Variants in IL1RAPL2 observed in about 807,000 individuals in gnomAD.
IL1RAPL2 encodes interleukin 1 receptor accessory protein like 2.
A neutral mutation model predicts 44.1 loss-of-function variants in IL1RAPL2; 3 were observed. The ratio of observed to expected loss-of-function variants is 0.07; its 90% confidence interval spans 0.03 to 0.18. IL1RAPL2 has a LOEUF of 0.18. IL1RAPL2 is among the 10% of genes least tolerant of loss of function. The probability of loss-of-function intolerance (pLI) is 1.00; values close to 1 mark genes in which losing one functional copy is unlikely to be tolerated. For synonymous variants in IL1RAPL2, 181 were observed against 178.8 expected (o/e 1.01, Z -0.10); for missense variants, 391 against 496.4 (o/e 0.79, Z 2.02).
At chrX:105,205,752 T>G (rs1426872174) in intron 3 of IL1RAPL2, among the ~76,000 whole-genome samples, 3 of 106,278 alleles carry the variant, frequency 2.8e-5, no homozygotes, top group Non-Finnish European at 5.8e-5. Flanking sequence ...GAATAAAAAG[T>G]TGATTTTTAA....
intron 6 of IL1RAPL2, among the ~76,000 whole-genome samples, chrX:105,517,089 G>C (rs1416125462): frequency 9.0e-6 from 1 of 111,527 alleles, no homozygotes; most frequent in East Asian, 2.8e-4. Flanking sequence ...CAAAAGACAG[G>C]TGTGTTTTGA....
intron 5 of IL1RAPL2, among the ~76,000 whole-genome samples, chrX:105,445,796 T>A (rs2035950476): frequency 9.0e-6 from 1 of 111,580 alleles, no homozygotes; most frequent in Non-Finnish European, 1.9e-5. Context: ...TAAGACTTAT[T>A]TTGTGGCCCA....
chrX:105,034,015 A>G (rs61530049), intron 2 of IL1RAPL2, among the ~76,000 whole-genome samples: 255 of 111,710 alleles, frequency 2.3e-3, no homozygotes, highest in African/African-American at 7.8e-3. Flanking sequence ...GTTGATTGCA[A>G]TGGCTCCTGA....
At chrX:105,324,227 A>C (rs2034918417) in intron 5 of IL1RAPL2, among the ~76,000 whole-genome samples, 1 of 110,956 alleles carries the variant, frequency 9.0e-6, no homozygotes, top group African/African-American at 3.3e-5. Context: ...GTGTGTGAAT[A>C]GAAATGGAGT....
intron 5 of IL1RAPL2, among the ~76,000 whole-genome samples, chrX:105,445,954 G>T (rs1341306022): frequency 9.0e-6 from 1 of 111,450 alleles, no homozygotes; most frequent in Admixed American, 9.6e-5. Context: ...TTGATTTTCT[G>T]TCTGGAAGCT....
At chrX:104,764,379 GCTA>G (rs1932519479) in intron 2 of IL1RAPL2, among the ~76,000 whole-genome samples, 1 of 111,719 alleles carries the variant, frequency 9.0e-6, no homozygotes, top group South Asian at 3.8e-4. Flanking sequence ...ATACAGAAAT[GCTA>G]CTGATTTTTG....
intron 6 of IL1RAPL2, among the ~76,000 whole-genome samples, chrX:105,688,869 A>T (rs1602523488): frequency 1.8e-5 from 2 of 111,759 alleles, no homozygotes; most frequent in Middle Eastern, 9.3e-3. Flanking sequence ...TGGTACCAAA[A>T]CAGATTTATA....
chrX:104,823,040 A>G (rs1921349228), intron 2 of IL1RAPL2, among the ~76,000 whole-genome samples: 1 of 111,494 alleles, frequency 9.0e-6, no homozygotes, highest in Non-Finnish European at 1.9e-5. Flanking sequence ...GAGTTCATTC[A>G]TGATTTCACT....
intron 2 of IL1RAPL2, among the ~76,000 whole-genome samples, chrX:105,044,771 A>G (rs2031815019): frequency 9.0e-6 from 1 of 111,441 alleles, no homozygotes; most frequent in African/African-American, 3.3e-5. Flanking sequence ...TTGGAGACAG[A>G]AGGTTTACTC....
At chrX:105,426,441 T>C (rs1486551296) in intron 5 of IL1RAPL2, among the ~76,000 whole-genome samples, 1 of 111,229 alleles carries the variant, frequency 9.0e-6, no homozygotes, top group African/African-American at 3.3e-5. Flanking sequence ...TCTGATCTCA[T>C]TATAAAGGCA....
intron 6 of IL1RAPL2, among the ~76,000 whole-genome samples, chrX:105,713,642 C>T (rs901333672): frequency 2.7e-5 from 3 of 111,118 alleles, no homozygotes; most frequent in Non-Finnish European, 3.8e-5. Flanking sequence ...TGGAGGATAC[C>T]CCAGGCCTGT....
intron 5 of IL1RAPL2, among the ~76,000 whole-genome samples, chrX:105,346,607 C>T (rs1176404677): frequency 2.7e-5 from 3 of 111,694 alleles, no homozygotes; most frequent in Non-Finnish European, 5.6e-5. Flanking sequence ...ACTTGGAAGG[C>T]CTTGAAGAAG....
chrX:105,177,883 A>G (rs190582662), intron 2 of IL1RAPL2, among the ~76,000 whole-genome samples: 1 of 111,753 alleles, frequency 8.9e-6, no homozygotes, highest in Non-Finnish European at 1.9e-5. Context: ...TTTATGGGGT[A>G]CATGTGATAC....
chrX:105,222,266 G>T lies in IL1RAPL2; in HGVS notation c.357-11552G>T, dbSNP rs576074824. Among the ~76,000 whole-genome samples the T allele has an allele frequency of 5.3e-4, 59 of 112,107 alleles. No homozygotes were observed. The South Asian group carries it at 0.021, about 40-fold the overall frequency. The stretch of plus-strand genomic sequence containing the variant: ...TCATTTTTTATTATATGGGCATTAT[G>T]TTCTATTCTATGAACTACATTTAAA... On this transcript the variant is annotated intron_variant, in intron 3 of 10. Coordinates refer to ENST00000372582, the MANE Select transcript of IL1RAPL2 (RefSeq NM_017416.2).
In IL1RAPL2 at chrX:105,439,772, T is replaced by G. The variant is rs187988091; in HGVS notation, c.698-44541T>G. Among the ~76,000 whole-genome samples the G allele has an allele frequency of 1.1e-4, 12 of 111,907 alleles. No individual in the cohort carries two copies. The East Asian group carries it at 3.1e-3, about 29-fold the overall frequency. On this transcript the variant is annotated intron_variant, in intron 5 of 10. Coordinates refer to ENST00000372582, the MANE Select transcript of IL1RAPL2 (RefSeq NM_017416.2). ...AGCCAGGCTCAATAAGGACAGAAAA[T>G]ATCAATGAGAATGGGATAGGAAGTT...
chrX:105,601,058 C>T lies in IL1RAPL2; in HGVS notation c.773-116309C>T, dbSNP rs749443558. ...TTATGGGGCATTTGTATATCCTGTT[C>T]TATGAAGTGCATTTTCATATATTTT... is the stretch of plus-strand genomic sequence containing the variant. On this transcript the variant is annotated intron_variant, in intron 6 of 10. Coordinates refer to ENST00000372582, the MANE Select transcript of IL1RAPL2 (RefSeq NM_017416.2). Among the ~76,000 whole-genome samples, 5 of 111,377 alleles carry T rather than the reference C, an allele frequency of 4.5e-5. No homozygotes were observed. In the East Asian group the frequency reaches 1.4e-3, roughly 31 times the overall value.
chrX:105,011,447 A>G (rs1046289458), intron 2 of IL1RAPL2, among the ~76,000 whole-genome samples: 1 of 111,278 alleles, frequency 9.0e-6, no homozygotes, highest in Non-Finnish European at 1.9e-5. Flanking sequence ...AAATTTGCCA[A>G]GTTTTTCAAC....
At chrX:104,906,619 CA>C (rs1282816231) in intron 2 of IL1RAPL2, among the ~76,000 whole-genome samples, 4 of 112,039 alleles carry the variant, frequency 3.6e-5, no homozygotes, top group African/African-American at 1.3e-4. Context: ...TACTGATTTG[CA>C]TATACTGAAC....
intron 5 of IL1RAPL2, among the ~76,000 whole-genome samples, chrX:105,334,470 A>C (rs756946531): frequency 3.9e-4 from 44 of 111,603 alleles, no homozygotes; most frequent in African/African-American, 1.3e-3. Context: ...GGGAGACTAT[A>C]GTCAATAATA....
Sources: gnomAD v4.1 joint callset for allele counts (sites outside exome capture counted in the v4.1 genomes callset) on GRCh38, gnomAD v4.1.1 for gene constraint, MANE v1.5 for transcripts, NCBI Gene and HGNC (gene_info 2026-07-23, HGNC 2026-07-21) for gene names.